The following ROBO1 variants were observed in gnomAD, a reference collection of about 807,000 sequenced individuals.
ROBO1 encodes roundabout guidance receptor 1, also known as roundabout homolog 1.
A neutral mutation model predicts 195.9 loss-of-function variants in ROBO1; 149 were observed. The observed-to-expected ratio is 0.76, with a 90% confidence interval of 0.67 to 0.87. ROBO1 has a LOEUF of 0.87. Ranked by LOEUF, ROBO1 falls within the 40% of genes least tolerant of loss-of-function variation. ROBO1 has a pLI of 0.00. For missense variants in ROBO1, 1,933 were observed against 2,068.3 expected (o/e 0.93, Z 1.27); for synonymous variants, 816 against 733.2 (o/e 1.11, Z -1.82).
chr3:78,810,671 G>GA (rs148899378), intron 4 of ROBO1, among the ~76,000 whole-genome samples: 40 of 144,076 alleles, frequency 2.8e-4, no homozygotes, highest in African/African-American at 5.3e-4. Flanking sequence ...TTTACAATGG[G>GA]AAAAAAAAAA....
intron 3 of ROBO1, among the ~76,000 whole-genome samples, chr3:78,941,044 C>A (rs1195161551): frequency 6.6e-6 from 1 of 152,150 alleles, no homozygotes; most frequent in African/African-American, 2.4e-5. Flanking sequence ...CTACATGAGG[C>A]TTATTTGTAT....
At chr3:79,657,315 A>T (rs1287888031) in intron 1 of ROBO1, among the ~76,000 whole-genome samples, 2 of 152,148 alleles carry the variant, frequency 1.3e-5, no homozygotes, top group Non-Finnish European at 2.9e-5. Flanking sequence ...TATTTTGAAC[A>T]GAGAGGAAAT....
At chr3:78,922,895 G>C (rs1255188334) in intron 4 of ROBO1, among the ~76,000 whole-genome samples, 1 of 152,026 alleles carries the variant, frequency 6.6e-6, no homozygotes, top group East Asian at 1.9e-4. Context: ...ATCGCATCTG[G>C]ACTCATTGTC....
chr3:79,033,919 C>T (rs1218963315), intron 3 of ROBO1, among the ~76,000 whole-genome samples: 2 of 152,104 alleles, frequency 1.3e-5, no homozygotes, highest in Non-Finnish European at 2.9e-5. Flanking sequence ...TTATTCTACC[C>T]TCAGAACTAG....
At chr3:79,695,137 C>G (rs996138332) in intron 1 of ROBO1, among the ~76,000 whole-genome samples, 2 of 151,368 alleles carry the variant, frequency 1.3e-5, no homozygotes, top group Non-Finnish European at 3.0e-5. Context: ...ATGTTTTGTT[C>G]AAAGATATCT....
intron 4 of ROBO1, among the ~76,000 whole-genome samples, chr3:78,937,112 CAT>C (rs2039855673): frequency 6.6e-6 from 1 of 152,050 alleles, no homozygotes. Flanking sequence ...ATTTTACACT[CAT>C]ATCAGAAATT....
At chr3:79,642,450 C>A (rs985519458) in intron 1 of ROBO1, among the ~76,000 whole-genome samples, 1 of 151,874 alleles carries the variant, frequency 6.6e-6, no homozygotes, top group Non-Finnish European at 1.5e-5. Context: ...CTGATTTGAC[C>A]CAAATAACTA....
At chr3:79,201,854 G>A (rs868104300) in intron 2 of ROBO1, among the ~76,000 whole-genome samples, 16 of 150,060 alleles carry the variant, frequency 1.1e-4, no homozygotes, top group African/African-American at 3.9e-4. Flanking sequence ...TCATTGCATA[G>A]TATTATATAA....
intron 4 of ROBO1, among the ~76,000 whole-genome samples, chr3:78,783,106 A>G (rs1559851174): frequency 6.6e-6 from 1 of 152,004 alleles, no homozygotes. Flanking sequence ...ATTTGTGTAA[A>G]TGTTAAGGGG....
chr3:79,195,666 C>T (rs2081620383), intron 2 of ROBO1, among the ~76,000 whole-genome samples: 1 of 151,380 alleles, frequency 6.6e-6, no homozygotes, highest in African/African-American at 2.4e-5. Context: ...AACAGAAATT[C>T]AGTTAATAAA....
In ROBO1 at chr3:78,617,938, G is replaced by C. The variant is rs982636143; in HGVS notation, c.3979C>G (p.Pro1327Ala). 1.9e-6 allele frequency: 3 copies of C among 1,613,826 alleles called. No homozygotes were observed. The African/African-American group carries it at 4.0e-5, about 22-fold the overall frequency. ...PLVSDMDTDA[P>A]EEEEDEADME... ...TCGGCTTCGTCTTCTTCCTCTTCTG[G>C]CGCATCCGTATCCATATCTGAGACC... Residue 1327 changes from proline (P) to alanine (A), a missense_variant, in exon 27 of 31, where the codon CCA (proline) becomes GCA (alanine). Physicochemically the swap from Pro to Ala is conservative, Grantham distance 27. This residue lies in a region of ROBO1 where 1,737 missense variants were observed against 1,882.5 expected (regional missense o/e 0.92). Coordinates refer to ENST00000464233, the MANE Select transcript of ROBO1 (RefSeq NM_002941.4).
At chr3:79,574,046 A>G (rs1349723955) in intron 2 of ROBO1, among the ~76,000 whole-genome samples, 3 of 152,120 alleles carry the variant, frequency 2.0e-5, no homozygotes, top group Non-Finnish European at 4.4e-5. Context: ...GATTTCCTGT[A>G]CTCAAAGAAT....
At chr3:79,554,386 C>T (rs761589283) in intron 2 of ROBO1, among the ~76,000 whole-genome samples, 17 of 151,734 alleles carry the variant, frequency 1.1e-4, no homozygotes, top group African/African-American at 4.1e-4. Flanking sequence ...TGTTTTAGAA[C>T]CACAAAAAAT....
At chr3:79,389,139 C>A (rs570749549) in intron 2 of ROBO1, among the ~76,000 whole-genome samples, 1 of 151,820 alleles carries the variant, frequency 6.6e-6, no homozygotes, top group South Asian at 2.1e-4. Flanking sequence ...ATGATGTAAA[C>A]CTTTTCCATA....
intron 4 of ROBO1, among the ~76,000 whole-genome samples, chr3:78,819,458 AC>A (rs1312942415): frequency 1.9e-4 from 29 of 151,522 alleles, no homozygotes; most frequent in African/African-American, 4.1e-4. Flanking sequence ...AAAAAAAAAA[AC>A]AAAACCTTTT....
intron 1 of ROBO1, among the ~76,000 whole-genome samples, chr3:79,600,821 C>G (rs1944317677): frequency 6.6e-6 from 1 of 151,896 alleles, no homozygotes. Context: ...AATAATTTCT[C>G]TAAACAAAAA....
intron 5 of ROBO1, among the ~76,000 whole-genome samples, chr3:78,733,123 T>C (rs550864731): frequency 2.5e-4 from 38 of 152,284 alleles, no homozygotes; most frequent in African/African-American, 9.1e-4. Flanking sequence ...TGAGGAGATA[T>C]TAGCCTCACC....
intron 1 of ROBO1, among the ~76,000 whole-genome samples, chr3:79,608,332 A>G (rs1009890841): frequency 6.6e-6 from 1 of 151,916 alleles, no homozygotes; most frequent in African/African-American, 2.4e-5. Context: ...TCTGGCCCTA[A>G]ACCAATTTAA....
At chr3:78,915,251 A>G (rs556357039) in intron 4 of ROBO1, among the ~76,000 whole-genome samples, 1 of 152,292 alleles carries the variant, frequency 6.6e-6, no homozygotes, top group East Asian at 1.9e-4. Flanking sequence ...ATAGTAAGAA[A>G]CATCAAGAAT....
Sources: allele counts gnomAD v4.1 joint callset (sites outside exome capture counted in the v4.1 genomes callset), GRCh38; gene constraint gnomAD v4.1.1; regional missense constraint gnomAD v4.1.1; transcripts MANE v1.5; gene names NCBI Gene and HGNC (gene_info 2026-07-23, HGNC 2026-07-21).